LARP4B: variants seen among roughly 807,000 people sequenced by gnomAD.
LARP4B encodes the protein La ribonucleoprotein 4B, also known as la-related protein 4B.
A neutral mutation model predicts 89.8 loss-of-function variants in LARP4B; 12 were observed. The ratio of observed to expected loss-of-function variants is 0.13; its 90% CI spans 0.09 to 0.22. LARP4B has a LOEUF of 0.22. Among genes scored for constraint, LARP4B ranks in the 10% least tolerant of loss-of-function variants. The pLI is 1.00. For missense variants in LARP4B, 757 were observed against 947.7 expected, an observed-to-expected ratio of 0.80 and a Z score of 2.64; for synonymous variants, 367 against 363.3, an observed-to-expected ratio of 1.01 and a Z score of -0.12.
chr10:877,168 A>C (rs1050228025), intron 3 of LARP4B, among the ~76,000 whole-genome samples: 1 of 152,194 alleles, frequency 6.6e-6, no homozygotes, highest in Non-Finnish European at 1.5e-5. Flanking sequence ...GAACAGCCTT[A>C]AAGATATCTG....
chr10:925,554 G>C (rs889127140), intron 1 of LARP4B, among the ~76,000 whole-genome samples: 3 of 151,708 alleles, frequency 2.0e-5, no homozygotes, highest in Non-Finnish European at 1.5e-5. Flanking sequence ...TTTTTTTTCA[G>C]ACAGAGCCTC....
At chr10:988,310 G>A in the LARP4B span, 1 of 623,636 alleles carries the variant, frequency 1.6e-6, no homozygotes, top group East Asian at 2.9e-5. Context: ...TGACCTCCAA[G>A]CCGGGCGGGT....
rs1484486348 is a variant in LARP4B, at chr10:831,066, A to T, written c.751-89T>A. 3 of 582,482 alleles carry T rather than the reference A, an allele frequency of 5.2e-6. No individual in the cohort carries two copies. In the East Asian group the frequency reaches 8.9e-5, roughly 17 times the overall value. The allele number at this position is 582,482 out of a possible 1,614,324, so 36.1% of individuals were successfully genotyped here. A position where few individuals can be genotyped will look rare whatever the true frequency, so the allele number is the denominator to read the frequency against. On this transcript the variant is annotated intron_variant, in intron 8 of 17. Transcript: ENST00000316157. ...ATTTTTTTAACAAATGCATTCTCTT[A>T]AGGAACTATCCTTAAACAAACGTAC...
the LARP4B span, among the ~76,000 whole-genome samples, chr10:951,276 C>T: frequency 6.6e-6 from 1 of 152,052 alleles, no homozygotes; most frequent in African/African-American, 2.4e-5. Flanking sequence ...AGGCCGGGTG[C>T]CGTGGCTCAT....
upstream of LARP4B, among the ~76,000 whole-genome samples, chr10:934,413 G>A (rs186786913): frequency 3.3e-5 from 5 of 152,104 alleles, no homozygotes; most frequent in East Asian, 9.8e-4. Flanking sequence ...TGGGAGGATC[G>A]CTTGAGGTTG....
chr10:817,589 C>T (rs1832128877), intron 15 of LARP4B, 136 bp downstream of exon 15: 8 of 816,328 alleles, frequency 9.8e-6, no homozygotes, highest in African/African-American at 3.4e-5. Context: ...TCTGTGTGAC[C>T]TCTGCAATCA....
the LARP4B span, among the ~76,000 whole-genome samples, chr10:964,786 G>A: frequency 2.0e-5 from 3 of 152,292 alleles, no homozygotes; most frequent in Non-Finnish European, 4.4e-5. Flanking sequence ...GTGGGGTGCC[G>A]GGGCTGCGGG....
intron 1 of LARP4B, among the ~76,000 whole-genome samples, chr10:911,074 T>C (rs140922413): frequency 5.8e-4 from 88 of 152,332 alleles, no homozygotes; most frequent in African/African-American, 2.1e-3. Context: ...TGGATGTGTG[T>C]GCACTTAGGG....
Position 825,304 on chromosome 10 carries a change from T to C in LARP4B, c.1245A>G (p.Lys415=), listed in dbSNP as rs1832563154. The C allele has an allele frequency of 1.3e-5, 21 of 1,613,352 alleles. No individual in the cohort carries two copies. The highest frequency in any genetic ancestry group is 1.8e-5 in the Non-Finnish European group (21 of 1,179,454). Reference sequence around the variant, plus strand: ...TAGGAATCGCATGCCGCAGATGAGATTTACTAGGATTCCTGTAAATAAAAA... The same window carrying C: ...TAGGAATCGCATGCCGCAGATGAGACTTACTAGGATTCCTGTAAATAAAAA... ...QYPPRSRNPS[K]SHLRHAIPSA... is the part of the protein sequence containing the mutation. The change falls in exon 13 of 18, where the codon AAA becomes AAG. Residue 415 remains lysine (K), a synonymous_variant. Coordinates refer to ENST00000316157, the MANE Select transcript of LARP4B (RefSeq NM_015155.3).
the LARP4B span, among the ~76,000 whole-genome samples, chr10:968,390 T>G: frequency 6.6e-6 from 1 of 152,220 alleles, no homozygotes; most frequent in Non-Finnish European, 1.5e-5. Flanking sequence ...GTTTTTCTAC[T>G]TAGCAACCCT....
At position 884,717 on chromosome 10, in the gene LARP4B, A is replaced by G. The variant is rs74118459; in HGVS notation, c.82-211T>C. Among the ~76,000 whole-genome samples the G allele has an allele frequency of 6.4e-3, 972 of 152,330 alleles. 16 individuals are homozygous for G. The highest frequency in any genetic ancestry group is 0.022 in the African/African-American group (912 of 41,586). ...ATAGATAAAGTTCTTTGTAGATTCA[A>G]TGGGGAAAACTAAGAAAAGCTACTT... On this transcript the variant is annotated intron_variant, in intron 2 of 17. Coordinates refer to ENST00000316157, the MANE Select transcript of LARP4B (RefSeq NM_015155.3).
the LARP4B span, among the ~76,000 whole-genome samples, chr10:941,506 C>T: frequency 2.6e-5 from 4 of 151,526 alleles, no homozygotes; most frequent in African/African-American, 4.9e-5. Flanking sequence ...TAGAGATGGG[C>T]GGGGGGTGTC....
At chr10:820,916 A>G in intron 13 of LARP4B, 71 bp from the exon 14 acceptor site, 1 of 1,328,578 alleles carries the variant, frequency 7.5e-7, no homozygotes, top group Admixed American at 1.8e-5. Flanking sequence ...GCACGTTTGC[A>G]CTCACATAAT....
the LARP4B span, among the ~76,000 whole-genome samples, chr10:967,508 G>T: frequency 6.6e-6 from 1 of 152,130 alleles, no homozygotes; most frequent in Non-Finnish European, 1.5e-5. Context: ...ATACATTTTT[G>T]GTTCAGTGAG....
intron 1 of LARP4B, among the ~76,000 whole-genome samples, chr10:902,726 C>A (rs1588976260): frequency 1.3e-5 from 2 of 151,792 alleles, no homozygotes; most frequent in South Asian, 2.1e-4. Context: ...CTCACTGCAA[C>A]CTCCACATCC....
chr10:972,323 C>T, the LARP4B span: 1 of 376,440 alleles, frequency 2.7e-6, no homozygotes, highest in African/African-American at 2.1e-5. Context: ...CAACCGCACC[C>T]AGCCTCTCTC....
the LARP4B span, among the ~76,000 whole-genome samples, chr10:956,117 G>A: frequency 3.9e-5 from 6 of 152,212 alleles, no homozygotes; most frequent in Middle Eastern, 3.4e-3. This position sits in a 1 kb window ranked among gnomAD's most constrained non-coding sequence, Gnocchi z 4.3. Flanking sequence ...TTTGCACAGC[G>A]GCTCTGGGAG....
the LARP4B span, among the ~76,000 whole-genome samples, chr10:974,867 G>A: frequency 6.6e-6 from 1 of 152,214 alleles, no homozygotes; most frequent in Non-Finnish European, 1.5e-5. Flanking sequence ...TTGCACAGAC[G>A]CTCAAGCCTC....
chr10:849,112 C>T (rs912316675), intron 5 of LARP4B, among the ~76,000 whole-genome samples: 2 of 151,676 alleles, frequency 1.3e-5, no homozygotes, highest in African/African-American at 4.8e-5. Context: ...TGGAGCAAAA[C>T]GCAAAGAAAT....
Sources: gnomAD v4.1 joint callset for allele counts (sites outside exome capture counted in the v4.1 genomes callset) on GRCh38, gnomAD v4.1.1 for gene constraint, Gnocchi (gnomAD v3.1) non-coding constraint, MANE v1.5 for transcripts, NCBI Gene and HGNC (gene_info 2026-07-23, HGNC 2026-07-21) for gene names.